The following SIRPA variants were observed in gnomAD, a reference collection of about 807,000 sequenced individuals.
SIRPA encodes tyrosine-protein phosphatase non-receptor type substrate 1.
In SIRPA, 9 loss-of-function variants were observed where a neutral mutation model predicts 50.3. That is an observed-to-expected ratio of 0.18 (90% CI 0.11 to 0.31). The LOEUF (loss-of-function observed/expected upper bound fraction) is 0.31, where lower values mean the gene tolerates loss of function less well. Ranked by LOEUF, SIRPA falls within the 10% of genes least tolerant of loss-of-function variation. The pLI, the probability that SIRPA is intolerant of heterozygous loss-of-function variation, is 1.00. For missense variants in SIRPA, 474 were observed against 661.6 expected, an observed-to-expected ratio of 0.72 and a Z score of 3.11; for synonymous variants, 265 against 284.1, an observed-to-expected ratio of 0.93 and a Z score of 0.68.
chr20:1,907,713 C>G (rs1246115270), intron 1 of SIRPA, among the ~76,000 whole-genome samples: 1 of 152,222 alleles, frequency 6.6e-6, no homozygotes, highest in Non-Finnish European at 1.5e-5. Flanking sequence ...AAGATAGTCT[C>G]AAGGGCAAGG....
At chr20:1,926,421 A>G (rs1040264651) in intron 5 of SIRPA, among the ~76,000 whole-genome samples, 2 of 152,210 alleles carry the variant, frequency 1.3e-5, no homozygotes, top group African/African-American at 4.8e-5. Flanking sequence ...GCAGCACGCC[A>G]GCTCCTGGCA....
rs1986407593 is a variant in SIRPA at position 1,933,477 on chromosome 20, A to C, written c.1227-1238A>C. The stretch of plus-strand genomic sequence containing the variant: ...GGCAGTGAATTAGCCTGGAGGCAGC[A>C]CGTCAGACCACGTGGGACTCTGAGC... On this transcript the variant is annotated intron_variant, in intron 6 of 7. Coordinates refer to ENST00000358771, the MANE Select transcript of SIRPA (RefSeq NM_001040023.2). The surrounding 1 kb of genome is among the most constrained non-coding windows in gnomAD (Gnocchi z 4.4). Among the ~76,000 whole-genome samples, 1 of 150,966 alleles carries C rather than the reference A, an allele frequency of 6.6e-6. No individual in the cohort carries two copies. The highest frequency in any genetic ancestry group is 2.4e-5 in the African/African-American group (1 of 41,106).
chr20:1,902,613 A>G (rs920451662), intron 1 of SIRPA, among the ~76,000 whole-genome samples: 4 of 152,224 alleles, frequency 2.6e-5, no homozygotes, highest in Non-Finnish European at 4.4e-5. Flanking sequence ...ACACCCAAGT[A>G]AACAAATGAT....
In SIRPA at chr20:1,898,198, T is replaced by G. The variant is rs566939880; in HGVS notation, c.79+2672T>G. ...CACCGTTTGGTAGAGGGTGGCACTC[T>G]GGGGGCTCCTCTGTACTTTCCTAAA... On this transcript the variant is annotated intron_variant, in intron 1 of 7. Transcript: ENST00000358771. The surrounding 1 kb of genome is among the most constrained non-coding windows in gnomAD (Gnocchi z 4.3). Among the ~76,000 whole-genome samples, 113 of 152,374 alleles carry G rather than the reference T, an allele frequency of 7.4e-4. No individual in the cohort carries two copies. The highest frequency in any genetic ancestry group is 1.2e-3 in the Non-Finnish European group (82 of 68,036).
At chr20:1,918,458 C>A (rs897057943) in intron 2 of SIRPA, among the ~76,000 whole-genome samples, 3 of 151,184 alleles carry the variant, frequency 2.0e-5, no homozygotes, top group Admixed American at 6.6e-5. Flanking sequence ...GTGATCCCCC[C>A]ACCTCGGCCT....
At chr20:1,899,932 A>G (rs1480215005) in intron 1 of SIRPA, among the ~76,000 whole-genome samples, 1 of 152,218 alleles carries the variant, frequency 6.6e-6, no homozygotes, top group African/African-American at 2.4e-5. Flanking sequence ...CAGTGTTGTA[A>G]TTAGCATGGC....
chr20:1,918,830 T>C (rs1600428823), intron 2 of SIRPA, among the ~76,000 whole-genome samples: 1 of 152,024 alleles, frequency 6.6e-6, no homozygotes, highest in African/African-American at 2.4e-5. Context: ...GGTGTTCGGG[T>C]TATCACTGAG....
intron 1 of SIRPA, among the ~76,000 whole-genome samples, chr20:1,902,627 A>G (rs527973551): frequency 6.6e-6 from 1 of 152,314 alleles, no homozygotes; most frequent in East Asian, 1.9e-4. Context: ...AAATGATGCC[A>G]GGTAGCTGGG....
At chr20:1,894,272 CG>C (rs1284443619), upstream of SIRPA, 1 of 152,066 alleles carries the variant, frequency 6.6e-6, no homozygotes, top group East Asian at 1.9e-4. The surrounding 1 kb of genome is among the most constrained non-coding windows in gnomAD (Gnocchi z 4.0). Context: ...CCCGCGCCCC[CG>C]CGCCCCGACT....
rs140361473 is a variant in SIRPA at position 1,915,284 on chromosome 20, C to T, written c.265C>T (p.Arg89Trp). 19 of 1,613,336 alleles carry T rather than the reference C, an allele frequency of 1.2e-5. No individual in the cohort carries two copies. Among genetic ancestry groups the T allele is most frequent in the Admixed American group, 1.7e-5 (1 of 59,912 alleles). ...IYNQKEGHFP[R>W]VTTVSDLTKR... The stretch of plus-strand genomic sequence containing the variant: ...CAATCAAAAAGAAGGCCACTTCCCC[C>T]GGGTAACAACTGTTTCAGACCTCAC... Residue 89 changes from arginine (R) to tryptophan (W), a missense_variant, in exon 2 of 8, where the codon CGG (arginine) becomes TGG (tryptophan). By Grantham distance (101) the Arg-to-Trp change is moderately radical. Coordinates refer to ENST00000358771, the MANE Select transcript of SIRPA (RefSeq NM_001040023.2).
In SIRPA at chr20:1,940,412, C is replaced by T. The variant is rs1986800110; in HGVS notation, c.*2844C>T. The T allele has an allele frequency of 6.6e-6, 1 of 152,296 alleles. No homozygotes were observed. Among genetic ancestry groups the T allele is most frequent in the African/African-American group, 2.4e-5 (1 of 41,444 alleles). 9.4% of individuals were successfully genotyped at this position (152,296 alleles called of 1,614,324 possible). ...CACCCTCCTCCTGGGGCCTCACTTTCCTTCCCCACCAAATGCAGACATCTA... is the reference window on the plus strand; with the variant it reads ...CACCCTCCTCCTGGGGCCTCACTTTTCTTCCCCACCAAATGCAGACATCTA... On this transcript the variant is annotated 3_prime_UTR_variant, in exon 8 of 8. Transcript: ENST00000358771.
intron 2 of SIRPA, among the ~76,000 whole-genome samples, 178 bp from the exon 3 acceptor site, chr20:1,921,217 T>A (rs758817760): frequency 7.2e-5 from 11 of 152,160 alleles, no homozygotes; most frequent in Non-Finnish European, 1.6e-4. Context: ...TCCTCACCTC[T>A]CCCAACCTTT....
intron 1 of SIRPA, among the ~76,000 whole-genome samples, chr20:1,901,163 CTTTTTTTTTTTTTTTT>C (rs869181595): frequency 1.3e-5 from 1 of 78,838 alleles, no homozygotes; most frequent in Non-Finnish European, 2.3e-5. Flanking sequence ...TTCTTTCTTT[CTTTTTTTTTTTTTTTT>C]TTTTTTTTTG....
intron 1 of SIRPA, among the ~76,000 whole-genome samples, chr20:1,914,548 G>A (rs1349444604): frequency 7.0e-6 from 1 of 142,950 alleles, no homozygotes; most frequent in African/African-American, 2.6e-5. Context: ...ACACTGGCAC[G>A]AGTCTACATT....
At chr20:1,900,481 GTGCTGTGGGCACAGCC>G (rs1984123580) in intron 1 of SIRPA, among the ~76,000 whole-genome samples, 1 of 152,200 alleles carries the variant, frequency 6.6e-6, no homozygotes, top group Non-Finnish European at 1.5e-5. Flanking sequence ...TAGGGACTGA[GTGCTGTGGGCACAGCC>G]TGCCTCTAGG....
chr20:1,921,181 C>G (rs1985626742), intron 2 of SIRPA, among the ~76,000 whole-genome samples: 1 of 152,174 alleles, frequency 6.6e-6, no homozygotes, highest in Non-Finnish European at 1.5e-5. Context: ...TGGGCCCTGC[C>G]CCTACACTGT....
In SIRPA at chr20:1,924,891, C is replaced by G. The variant is rs1266580283; in HGVS notation, c.1201+14C>G. ...GACAGAAGAAAGGTGGGTGCATTCCCCTCTTCCTCCCTAAGGGTTTGTCCC... is the reference window on the plus strand; with the variant it reads ...GACAGAAGAAAGGTGGGTGCATTCCGCTCTTCCTCCCTAAGGGTTTGTCCC... On this transcript the variant is annotated intron_variant, in intron 5 of 7. Coordinates refer to ENST00000358771, the MANE Select transcript of SIRPA (RefSeq NM_001040023.2). The surrounding 1 kb of genome is among the most constrained non-coding windows in gnomAD (Gnocchi z 4.5). The G allele has an allele frequency of 6.3e-7, 1 of 1,593,998 alleles. No individual in the cohort carries two copies. Among genetic ancestry groups the G allele is most frequent in the Admixed American group, 1.7e-5 (1 of 59,984 alleles).
chr20:1,919,876 G>A (rs1231133102), intron 2 of SIRPA, among the ~76,000 whole-genome samples: 1 of 152,216 alleles, frequency 6.6e-6, no homozygotes, highest in Admixed American at 6.5e-5. Context: ...TGAGCCACAG[G>A]GAGCAGGGTT....
chr20:1,918,901 A>G (rs1379321872), intron 2 of SIRPA, among the ~76,000 whole-genome samples: 4 of 152,344 alleles, frequency 2.6e-5, no homozygotes, highest in African/African-American at 9.6e-5. Context: ...GCCACATCCC[A>G]GCTCTGCCAC....
Sources: gnomAD v4.1 joint callset for allele counts (sites outside exome capture counted in the v4.1 genomes callset) on GRCh38, gnomAD v4.1.1 for gene constraint, Gnocchi (gnomAD v3.1) non-coding constraint, MANE v1.5 for transcripts, NCBI Gene and HGNC (gene_info 2026-07-23, HGNC 2026-07-21) for gene names.